IGF2BP3: variants seen among roughly 807,000 people sequenced by gnomAD.
The protein encoded by IGF2BP3 is insulin-like growth factor 2 mRNA-binding protein 3.
Under a neutral mutation model 73.8 loss-of-function variants are expected in IGF2BP3, and 9 were observed. The observed-to-expected ratio is 0.12, with a 90% CI of 0.07 to 0.21. IGF2BP3 has a LOEUF of 0.21. Among genes scored for constraint, IGF2BP3 ranks in the 10% least tolerant of loss-of-function variants. The probability of loss-of-function intolerance (pLI) is 1.00; values close to 1 mark genes in which losing one functional copy is unlikely to be tolerated. For synonymous variants in IGF2BP3, 258 were observed against 256.7 expected, an observed-to-expected ratio of 1.01 and a Z score of -0.05; for missense variants, 542 against 714.0, an observed-to-expected ratio of 0.76 and a Z score of 2.75.
Position 23,390,800 on chromosome 7 carries a change from C to T in IGF2BP3, c.285+27976G>A, listed in dbSNP as rs1370432738. 5.5e-4 allele frequency among the ~76,000 whole-genome samples: 74 copies of T among 135,434 alleles called. 2 individuals are homozygous for T. The highest frequency in any genetic ancestry group is 2.0e-3 in the Admixed American group (26 of 13,268). The allele number at this position is 135,434 out of a possible 152,430, so 88.8% of individuals were successfully genotyped here. ...TTTGTCACCTTGGATTTATTGTTGC[C>T]TTTTTTTTTTTTTTTTGAGACAGAG... On this transcript the variant is annotated intron_variant, in intron 3 of 14. Coordinates refer to ENST00000258729, the MANE Select transcript of IGF2BP3 (RefSeq NM_006547.3).
At chr7:23,319,762 G>A (rs1784084737) in intron 10 of IGF2BP3, among the ~76,000 whole-genome samples, 1 of 152,136 alleles carries the variant, frequency 6.6e-6, no homozygotes, top group Non-Finnish European at 1.5e-5. Flanking sequence ...TGTTACATAT[G>A]ACTAAATTGT....
rs145591383 is a variant in IGF2BP3, at chr7:23,391,396, G to A, written c.285+27380C>T. ...ATTACAGGTGTGAGCCACCGTGCCC[G>A]GCCTTGTCATTGCCTTTTAAAATCT... is the stretch of plus-strand genomic sequence containing the variant. On this transcript the variant is annotated intron_variant, in intron 3 of 14. Coordinates refer to ENST00000258729, the MANE Select transcript of IGF2BP3 (RefSeq NM_006547.3). Among the ~76,000 whole-genome samples the A allele has an allele frequency of 2.9e-3, 436 of 152,184 alleles. 2 individuals are homozygous for A. Among genetic ancestry groups the A allele is most frequent in the African/African-American group, 9.6e-3 (399 of 41,530 alleles).
intron 3 of IGF2BP3, among the ~76,000 whole-genome samples, chr7:23,408,904 C>T (rs560440569): frequency 2.8e-4 from 42 of 152,274 alleles, no homozygotes; most frequent in African/African-American, 9.9e-4. Context: ...ACTACGACAG[C>T]GGTCCCCAAC....
intron 6 of IGF2BP3, among the ~76,000 whole-genome samples, chr7:23,348,973 T>C (rs1353786561): frequency 1.3e-5 from 2 of 152,276 alleles, no homozygotes; most frequent in African/African-American, 2.4e-5. Context: ...CATCATGACA[T>C]GATTTCTTTT....
At chr7:23,329,819 C>CT (rs900702925) in intron 10 of IGF2BP3, among the ~76,000 whole-genome samples, 8 of 152,290 alleles carry the variant, frequency 5.3e-5, no homozygotes, top group East Asian at 3.9e-4. Flanking sequence ...TTTCTAGAAA[C>CT]TAACAACATT....
Position 23,351,552 on chromosome 7 carries a change from T to A in IGF2BP3, c.436A>T (p.Asn146Tyr). Residue 146 changes from asparagine to tyrosine, a missense_variant, in exon 6 of 15, where the codon AAT (asparagine) becomes TAT (tyrosine). By Grantham distance (143) the Asn-to-Tyr change is moderately radical. Coordinates refer to ENST00000258729, the MANE Select transcript of IGF2BP3 (RefSeq NM_006547.3). The part of the protein sequence containing the change: ...LDKLNGFQLE[N>Y]FTLKVAYIPD... ...ATATAGGCTACTTTCAAGGTGAAAT[T>A]CTCTAACTGAAATCCATTCAGTTTG... 1 of 1,614,058 alleles carries A rather than the reference T, an allele frequency of 6.2e-7. No homozygotes were observed. Among genetic ancestry groups the A allele is most frequent in the Non-Finnish European group, 8.5e-7 (1 of 1,180,018 alleles).
chr7:23,313,828 C>T (rs545972911), intron 12 of IGF2BP3, among the ~76,000 whole-genome samples, 175 bp from the exon 13 acceptor site: 1 of 152,292 alleles, frequency 6.6e-6, no homozygotes, highest in South Asian at 2.1e-4. Flanking sequence ...AAAAGGTTGA[C>T]AATAACTACT....
intron 3 of IGF2BP3, among the ~76,000 whole-genome samples, chr7:23,401,158 TC>T (rs1271143390): frequency 1.3e-5 from 2 of 152,202 alleles, no homozygotes; most frequent in Non-Finnish European, 2.9e-5. Context: ...TTGTAACTTT[TC>T]TGCTGATACA....
Position 23,317,623 on chromosome 7 carries a change from A to G in IGF2BP3, c.1395+16T>C. ...TTTGTTACCTGTGGACATAGCACAT[A>G]CTCTAGAGCACATACCTTGAACTGA... On this transcript the variant is annotated intron_variant, in intron 12 of 14. Coordinates refer to ENST00000258729, the MANE Select transcript of IGF2BP3 (RefSeq NM_006547.3). 1 of 1,606,646 alleles carries G rather than the reference A, an allele frequency of 6.2e-7. No individual in the cohort carries two copies. The highest frequency in any genetic ancestry group is 8.5e-7 in the Non-Finnish European group (1 of 1,173,276).
chr7:23,416,740 C>T (rs1176144616), intron 3 of IGF2BP3, among the ~76,000 whole-genome samples: 2 of 152,180 alleles, frequency 1.3e-5, no homozygotes, highest in Non-Finnish European at 2.9e-5. Flanking sequence ...AAACAAGCGG[C>T]ATACCCAGCG....
At chr7:23,361,621 G>A (rs372353594) in intron 4 of IGF2BP3, 24 bp from the exon 5 acceptor site, 6 of 1,613,010 alleles carry the variant, frequency 3.7e-6, no homozygotes, top group Non-Finnish European at 4.2e-6. Flanking sequence ...AAAACGAAGA[G>A]AATAAAAGTT....
chr7:23,379,090 C>T (rs1376878980), intron 3 of IGF2BP3, among the ~76,000 whole-genome samples: 1 of 152,176 alleles, frequency 6.6e-6, no homozygotes, highest in Non-Finnish European at 1.5e-5. Context: ...GCATTTGTTT[C>T]CTATGATGGA....
At chr7:23,423,097 A>G (rs1425691260) in intron 2 of IGF2BP3, among the ~76,000 whole-genome samples, 1 of 152,214 alleles carries the variant, frequency 6.6e-6, no homozygotes, top group South Asian at 2.1e-4. Flanking sequence ...TTTGATATCT[A>G]GAATTGTTCT....
At chr7:23,329,169 C>T (rs537008319) in intron 10 of IGF2BP3, among the ~76,000 whole-genome samples, 34 of 151,624 alleles carry the variant, frequency 2.2e-4, no homozygotes, top group African/African-American at 6.8e-4. Flanking sequence ...GCAGAGATCA[C>T]GCCATTGCAC....
At chr7:23,348,296 G>C (rs1425774587) in intron 6 of IGF2BP3, among the ~76,000 whole-genome samples, 1 of 152,176 alleles carries the variant, frequency 6.6e-6, no homozygotes, top group African/African-American at 2.4e-5. Flanking sequence ...TTCAAGAAAA[G>C]CAAGTGGCCA....
intron 2 of IGF2BP3, among the ~76,000 whole-genome samples, chr7:23,428,091 A>C (rs943564884): frequency 6.6e-6 from 1 of 151,732 alleles, no homozygotes; most frequent in Non-Finnish European, 1.5e-5. Context: ...CAGGAGGATC[A>C]CTTGAACCCA....
intron 3 of IGF2BP3, chr7:23,416,210 G>C (rs1236139133): frequency 6.6e-6 from 1 of 151,930 alleles, no homozygotes; most frequent in East Asian, 1.9e-4. Context: ...CCTCAAGGCT[G>C]CCCCATTTCC....
chr7:23,324,673 T>C (rs1784245596), intron 10 of IGF2BP3, among the ~76,000 whole-genome samples: 6 of 79,258 alleles, frequency 7.6e-5, no homozygotes, highest in Non-Finnish European at 1.4e-4. Flanking sequence ...AAATCCTCAA[T>C]AAAATACTGG....
intron 10 of IGF2BP3, among the ~76,000 whole-genome samples, chr7:23,338,564 G>A (rs536900945): frequency 5.3e-5 from 8 of 152,150 alleles, no homozygotes; most frequent in East Asian, 3.9e-4. Context: ...ACACATTTTT[G>A]AGCTTCCACC....
Sources: allele counts gnomAD v4.1 joint callset (sites outside exome capture counted in the v4.1 genomes callset), GRCh38; gene constraint gnomAD v4.1.1; transcripts MANE v1.5; gene names NCBI Gene and HGNC (gene_info 2026-07-23, HGNC 2026-07-21).